Variants in LMCD1 observed in about 807,000 individuals in gnomAD.
LMCD1 encodes the protein LIM and cysteine-rich domains protein 1.
In LMCD1, 32 loss-of-function variants were observed where a neutral mutation model predicts 42.7. The ratio of observed to expected loss-of-function variants is 0.75; its 90% CI spans 0.57 to 1.01. The LOEUF is 1.01. Ranked by LOEUF, LMCD1 falls within the 50% of genes least tolerant of loss-of-function variation. LMCD1 has a pLI of 0.00. For missense variants in LMCD1, 458 were observed against 483.1 expected (o/e 0.95, Z 0.49); for synonymous variants, 178 against 184.9 (o/e 0.96, Z 0.30).
intron 1 of LMCD1, among the ~76,000 whole-genome samples, chr3:8,522,661 A>G (rs1474826383): frequency 6.6e-6 from 1 of 152,186 alleles, no homozygotes; most frequent in Non-Finnish European, 1.5e-5. Context: ...AATCTCACCC[A>G]TTAGACATGA....
chr3:8,523,380 C>T (rs1460229790), intron 1 of LMCD1, among the ~76,000 whole-genome samples: 1 of 152,218 alleles, frequency 6.6e-6, no homozygotes, highest in Non-Finnish European at 1.5e-5. Flanking sequence ...CATGCACAAG[C>T]ACACACAGCT....
chr3:8,538,337 T>C (rs957332584), intron 3 of LMCD1, among the ~76,000 whole-genome samples: 1 of 152,204 alleles, frequency 6.6e-6, no homozygotes, highest in Non-Finnish European at 1.5e-5. Flanking sequence ...CCCCAGAACC[T>C]TACATGTGGA....
At chr3:8,519,747 A>G (rs1294933267) in intron 1 of LMCD1, among the ~76,000 whole-genome samples, 1 of 151,498 alleles carries the variant, frequency 6.6e-6, no homozygotes, top group Admixed American at 6.6e-5. Flanking sequence ...ATAGCAAAAA[A>G]AAAAAAAGAA....
intron 4 of LMCD1, among the ~76,000 whole-genome samples, chr3:8,560,462 A>G (rs1307433558): frequency 6.6e-6 from 1 of 151,932 alleles, no homozygotes; most frequent in Non-Finnish European, 1.5e-5. Context: ...CCCTTTCCCT[A>G]CTTTCATGTC....
chr3:8,541,753 C>T (rs1369804210), intron 3 of LMCD1, among the ~76,000 whole-genome samples: 1 of 152,198 alleles, frequency 6.6e-6, no homozygotes, highest in African/African-American at 2.4e-5. Flanking sequence ...AGAGTCAGAG[C>T]AGTGCCAGGT....
intron 4 of LMCD1, among the ~76,000 whole-genome samples, chr3:8,549,592 T>C (rs1323030929): frequency 6.6e-6 from 1 of 152,204 alleles, no homozygotes; most frequent in African/African-American, 2.4e-5. Context: ...AGGCTTTTGG[T>C]CAGAGGTACA....
In LMCD1 at chr3:8,566,638, A is replaced by G. The variant is rs940253828; in HGVS notation, c.940-802A>G. Among the ~76,000 whole-genome samples the G allele has an allele frequency of 1.4e-4, 22 of 152,368 alleles. No individual in the cohort carries two copies. In the East Asian group the frequency reaches 4.2e-3, roughly 29 times the overall value. Reference sequence around the variant, plus strand: ...GTAATTTGCTACATACTTTACGTACAACATGCTATTTATATCACAACAATC... The same window carrying G: ...GTAATTTGCTACATACTTTACGTACGACATGCTATTTATATCACAACAATC... On this transcript the variant is annotated intron_variant, in intron 5 of 5. Coordinates refer to ENST00000157600, the MANE Select transcript of LMCD1 (RefSeq NM_014583.4).
At chr3:8,537,889 T>C (rs113797005) in intron 3 of LMCD1, among the ~76,000 whole-genome samples, 11 of 152,180 alleles carry the variant, frequency 7.2e-5, no homozygotes, top group African/African-American at 2.4e-4. Flanking sequence ...AACCTATTGG[T>C]CTTAGGAGGG....
intron 4 of LMCD1, chr3:8,550,156 C>T: frequency 7.5e-7 from 1 of 1,334,328 alleles, no homozygotes; most frequent in South Asian, 1.6e-5. Context: ...AGCCTCATGG[C>T]TTGGTTTGTC....
chr3:8,544,933 G>A (rs2125029759), intron 3 of LMCD1, among the ~76,000 whole-genome samples: 1 of 152,236 alleles, frequency 6.6e-6, no homozygotes, highest in African/African-American at 2.4e-5. Flanking sequence ...GTCCTGACCT[G>A]TATCTTCCCC....
chr3:8,520,264 T>C (rs1694178726), intron 1 of LMCD1, among the ~76,000 whole-genome samples: 1 of 152,122 alleles, frequency 6.6e-6, no homozygotes, highest in South Asian at 2.1e-4. Flanking sequence ...TCCTACAGGA[T>C]GACATTCTTA....
At position 8,522,220 on chromosome 3, in the gene LMCD1, G is replaced by C. The variant is rs144718832; in HGVS notation, c.43-10517G>C. Among the ~76,000 whole-genome samples, 3 of 152,194 alleles carry C rather than the reference G, an allele frequency of 2.0e-5. No individual in the cohort carries two copies. The South Asian group carries it at 6.2e-4, about 32-fold the overall frequency. ...AGATTAACCCCTTTTGTTCACAGAT[G>C]ATGTCAGCCTTGGTGGTCTCCAATC... On this transcript the variant is annotated intron_variant, in intron 1 of 5. Coordinates refer to ENST00000157600, the MANE Select transcript of LMCD1 (RefSeq NM_014583.4).
chr3:8,508,117 G>A (rs1693919428), intron 1 of LMCD1, among the ~76,000 whole-genome samples: 1 of 152,100 alleles, frequency 6.6e-6, no homozygotes, highest in African/African-American at 2.4e-5. Context: ...ACATCTCCCG[G>A]CAGAAGACTA....
intron 4 of LMCD1, among the ~76,000 whole-genome samples, chr3:8,555,539 G>A (rs1020874376): frequency 9.9e-5 from 15 of 152,124 alleles, no homozygotes; most frequent in African/African-American, 3.6e-4. Context: ...GGGGGCAGCC[G>A]CAAAATCACT....
intron 2 of LMCD1, among the ~76,000 whole-genome samples, chr3:8,533,133 C>T (rs924628453): frequency 2.0e-5 from 3 of 152,096 alleles, no homozygotes; most frequent in Non-Finnish European, 2.9e-5. Flanking sequence ...GTTAGCTGGT[C>T]CCTTGTGCCT....
intron 2 of LMCD1, among the ~76,000 whole-genome samples, chr3:8,535,496 T>C: frequency 6.6e-6 from 1 of 152,328 alleles, no homozygotes; most frequent in East Asian, 1.9e-4. Context: ...ATTCAAAATG[T>C]CATGCTGCAC....
intron 1 of LMCD1, among the ~76,000 whole-genome samples, chr3:8,502,338 TATATATAAAA>T (rs1693759520): frequency 8.2e-5 from 3 of 36,606 alleles, no homozygotes; most frequent in South Asian, 5.7e-4. Context: ...TAATATATAT[TATATATAAAA>T]TATATAATAT....
Position 8,501,865 on chromosome 3 carries a change from C to G in LMCD1, c.-74C>G. 1.4e-6 allele frequency: 2 copies of G among 1,426,628 alleles called. No homozygotes were observed. The highest frequency in any genetic ancestry group is 1.2e-5 in the South Asian group (1 of 80,112). 88.4% of individuals were successfully genotyped at this position (1,426,628 alleles called of 1,614,324 possible). ...AGGCCCGCGAACTTGGCCATTCAGC[C>G]GCCGCTGTCCCCGCTGCGCGCCCTC... is the stretch of plus-strand genomic sequence containing the variant. On this transcript the variant is annotated 5_prime_UTR_variant, in exon 1 of 6. Coordinates refer to ENST00000157600, the MANE Select transcript of LMCD1 (RefSeq NM_014583.4).
intron 4 of LMCD1, among the ~76,000 whole-genome samples, chr3:8,549,666 T>G (rs529230474): frequency 6.6e-6 from 1 of 152,246 alleles, no homozygotes; most frequent in South Asian, 2.1e-4. Flanking sequence ...CTGTTACTTA[T>G]AGCAGAATAC....
Sources: gnomAD v4.1 joint callset for allele counts (sites outside exome capture counted in the v4.1 genomes callset) on GRCh38, gnomAD v4.1.1 for gene constraint, MANE v1.5 for transcripts, NCBI Gene and HGNC (gene_info 2026-07-23, HGNC 2026-07-21) for gene names.